OGG1: variants seen among roughly 807,000 people sequenced by gnomAD.
OGG1 encodes N-glycosylase/DNA lyase.
A neutral mutation model predicts 42.3 loss-of-function variants in OGG1; 35 were observed. The observed-to-expected ratio is 0.83, with a 90% CI of 0.63 to 1.10. The LOEUF (loss-of-function observed/expected upper bound fraction) is 1.10, where lower values mean the gene tolerates loss of function less well. Ranked by LOEUF, OGG1 falls within the 50% of genes least tolerant of loss-of-function variation. OGG1 has a pLI of 0.00. For synonymous variants in OGG1, 189 were observed against 179.0 expected, an observed-to-expected ratio of 1.06 and a Z score of -0.44; for missense variants, 484 against 446.7, an observed-to-expected ratio of 1.08 and a Z score of -0.75.
chr3:9,779,519 G>T (rs974850962), intron 2 of OGG1, among the ~76,000 whole-genome samples: 2 of 151,886 alleles, frequency 1.3e-5, no homozygotes, highest in Non-Finnish European at 2.9e-5. Flanking sequence ...CCTTGGGGGA[G>T]GGGGGAGGGA....
Position 9,784,349 on chromosome 3 carries a change from C to T in OGG1, c.382+2749C>T, listed in dbSNP as rs183477061. 3.4e-6 allele frequency: 4 copies of T among 1,161,462 alleles called. No individual in the cohort carries two copies. The African/African-American group carries it at 4.7e-5, about 14-fold the overall frequency. 71.9% of individuals were successfully genotyped at this position (1,161,462 alleles called of 1,614,324 possible). ...CACCCCCTCTGTATCTATCCAGATACAAAGGGAGGGACAGACACATCTGGT... is the reference window on the plus strand; with the variant it reads ...CACCCCCTCTGTATCTATCCAGATATAAAGGGAGGGACAGACACATCTGGT... On this transcript the variant is annotated intron_variant, in intron 3 of 3. Transcript: ENST00000426518.
At chr3:9,769,485 G>T (rs2078248278), downstream of OGG1, among the ~76,000 whole-genome samples, 1 of 152,050 alleles carries the variant, frequency 6.6e-6, no homozygotes, top group African/African-American at 2.4e-5. Flanking sequence ...CAGATTCCCA[G>T]ATCCTCCACC....
At chr3:9,751,260 G>A (rs2125531413) in intron 2 of OGG1, 68 bp downstream of exon 2, 1 of 1,545,756 alleles carries the variant, frequency 6.5e-7, no homozygotes, top group Non-Finnish European at 8.9e-7. Context: ...ACTCAGTTTT[G>A]CCACCTGTAA....
chr3:9,760,964 C>T, downstream of OGG1: 2 of 765,970 alleles, frequency 2.6e-6, no homozygotes, highest in South Asian at 1.8e-5. Context: ...GCCATCTTGC[C>T]CTCCTCAGGG....
At chr3:9,761,714 A>G, downstream of OGG1, 4 of 1,614,122 alleles carry the variant, frequency 2.5e-6, no homozygotes, top group Non-Finnish European at 3.4e-6. Context: ...GGAGATCATG[A>G]TTTTGGAGTC....
downstream of OGG1, among the ~76,000 whole-genome samples, chr3:9,790,691 G>C (rs1260908157): frequency 6.6e-6 from 1 of 152,126 alleles, no homozygotes; most frequent in Non-Finnish European, 1.5e-5. Flanking sequence ...TCTGGCATTG[G>C]GCTGAGTTTT....
At chr3:9,785,022 T>C (rs1202507036) in intron 3 of OGG1, among the ~76,000 whole-genome samples, 5 of 152,226 alleles carry the variant, frequency 3.3e-5, no homozygotes, top group Non-Finnish European at 5.9e-5. Flanking sequence ...CTTGCAGCTA[T>C]ATGATTAATA....
downstream of OGG1, chr3:9,761,732 A>C: frequency 6.2e-7 from 1 of 1,614,142 alleles, no homozygotes; most frequent in Non-Finnish European, 8.5e-7. Flanking sequence ...GTCTTCATCC[A>C]GGCTGTAGTA....
At chr3:9,771,252 T>G (rs749048661), downstream of OGG1, among the ~76,000 whole-genome samples, 1 of 152,064 alleles carries the variant, frequency 6.6e-6, no homozygotes, top group Non-Finnish European at 1.5e-5. Flanking sequence ...CTCAAACTCC[T>G]GGGCTCAAGC....
intron 2 of OGG1, chr3:9,780,476 C>T (rs1380639431): frequency 2.5e-6 from 4 of 1,611,232 alleles, no homozygotes; most frequent in Admixed American, 1.7e-5. Context: ...TTGCGAAAGG[C>T]GTCCATGACC....
At chr3:9,789,548 C>T (rs1173418745), downstream of OGG1, 1 of 1,614,170 alleles carries the variant, frequency 6.2e-7, no homozygotes, top group Non-Finnish European at 8.5e-7. Flanking sequence ...GCTTCAGTAA[C>T]TCCTCAAGTG....
At chr3:9,759,786 C>T (rs1370372444), downstream of OGG1, 5 of 1,614,066 alleles carry the variant, frequency 3.1e-6, no homozygotes, top group Non-Finnish European at 4.2e-6. Context: ...ATAATGACAG[C>T]ATGGTACTGC....
downstream of OGG1, chr3:9,759,682 G>T (rs560292298): frequency 6.8e-6 from 11 of 1,614,088 alleles, no homozygotes; most frequent in African/African-American, 1.5e-4. Context: ...CATGGGTGCT[G>T]CAAGGCCTGC....
chr3:9,778,919 T>A (rs1164788453), intron 2 of OGG1, among the ~76,000 whole-genome samples: 1 of 152,226 alleles, frequency 6.6e-6, no homozygotes, highest in Non-Finnish European at 1.5e-5. Flanking sequence ...TCCTTCTTTA[T>A]GGCTCAGTTC....
chr3:9,755,106 A>T (rs2077476642), intron 4 of OGG1, among the ~76,000 whole-genome samples: 1 of 152,248 alleles, frequency 6.6e-6, no homozygotes, highest in South Asian at 2.1e-4. Context: ...ATTTGTTCAG[A>T]TGCAACACAT....
intron 3 of OGG1, among the ~76,000 whole-genome samples, chr3:9,782,570 C>T (rs999780341): frequency 8.5e-5 from 13 of 152,226 alleles, no homozygotes; most frequent in Non-Finnish European, 7.3e-5. Context: ...TAGTAATCTG[C>T]AAGTCCCTTG....
At chr3:9,765,661 T>TA in intron 7 of OGG1, 3 of 1,394,808 alleles carry the variant, frequency 2.2e-6, no homozygotes, top group South Asian at 2.5e-5. Flanking sequence ...ATTTAAGGCT[T>TA]AGAGAGTTTA....
At chr3:9,786,106 T>C (rs1202139738) in intron 3 of OGG1, among the ~76,000 whole-genome samples, 2 of 152,068 alleles carry the variant, frequency 1.3e-5, no homozygotes, top group African/African-American at 4.8e-5. Flanking sequence ...GCCCGGCTAA[T>C]TTTTTTGTAT....
downstream of OGG1, among the ~76,000 whole-genome samples, chr3:9,788,761 A>T (rs1559720427): frequency 6.6e-6 from 1 of 150,672 alleles, no homozygotes. Flanking sequence ...GCTGGTCTTG[A>T]ACTCCTGACC....
Sources: allele counts gnomAD v4.1 joint callset (sites outside exome capture counted in the v4.1 genomes callset), GRCh38; gene constraint gnomAD v4.1.1; transcripts MANE v1.5; gene names NCBI Gene and HGNC (gene_info 2026-07-23, HGNC 2026-07-21).